Variants in COMMD10 observed in about 807,000 individuals in gnomAD.
The protein encoded by COMMD10 is COMM domain containing 10.
Under a neutral mutation model 28.9 loss-of-function variants are expected in COMMD10, and 33 were observed. The ratio of observed to expected loss-of-function variants is 1.14; its 90% confidence interval spans 0.87 to 1.53. The LOEUF (loss-of-function observed/expected upper bound fraction) is 1.53. Ranked by LOEUF, COMMD10 falls within the 40% of genes most tolerant of loss-of-function variation. COMMD10 has a pLI of 0.00. For missense variants in COMMD10, 310 were observed against 233.4 expected (o/e 1.33, Z -2.14); for synonymous variants, 110 against 81.7 (o/e 1.35, Z -1.87).
rs148100811 is a variant in COMMD10, at chr5:116,185,193, CA to C, written c.510+51018del. 8.0e-3 allele frequency among the ~76,000 whole-genome samples: 1,221 copies of C among 151,966 alleles called. 21 individuals are homozygous for C. The highest frequency in any genetic ancestry group is 0.028 in the African/African-American group (1,145 of 41,370). ...TTAACCTATGTGATCCACAATGACCCAAACTACAATGTATGTCTTAAGAAAG... is the reference window on the plus strand; with the variant it reads ...TTAACCTATGTGATCCACAATGACCCAACTACAATGTATGTCTTAAGAAAG... On this transcript the variant is annotated intron_variant, in intron 5 of 6. Coordinates refer to ENST00000274458, the MANE Select transcript of COMMD10 (RefSeq NM_016144.4).
chr5:116,163,830 A>C (rs925118161), intron 5 of COMMD10, among the ~76,000 whole-genome samples: 2 of 152,252 alleles, frequency 1.3e-5, no homozygotes, highest in African/African-American at 4.8e-5. Context: ...TAATTTTTTA[A>C]ATTGAATGAT....
intron 4 of COMMD10, among the ~76,000 whole-genome samples, chr5:116,099,071 A>G (rs1041083165): frequency 3.3e-5 from 5 of 152,196 alleles, no homozygotes; most frequent in Admixed American, 2.0e-4. Context: ...TTAGATTCCC[A>G]GAACTTAATT....
chr5:116,238,601 A>G (rs994301594), intron 5 of COMMD10, among the ~76,000 whole-genome samples: 3 of 152,164 alleles, frequency 2.0e-5, no homozygotes, highest in South Asian at 2.1e-4. Flanking sequence ...ACATTTTACA[A>G]TTGGTTTTGA....
chr5:116,222,541 A>G (rs981404659), intron 5 of COMMD10, among the ~76,000 whole-genome samples: 2 of 152,172 alleles, frequency 1.3e-5, no homozygotes, highest in Non-Finnish European at 2.9e-5. Flanking sequence ...AGTTGACACT[A>G]TGTTTTATGA....
Position 116,258,085 on chromosome 5 carries a change from G to A in COMMD10, c.511-33432G>A, listed in dbSNP as rs1750341090. ...CAGATCTACAAATATGAGTATATTT[G>A]AAGAAAAGCAAATTCATATTGAATT... On this transcript the variant is annotated intron_variant, in intron 5 of 6. Transcript: ENST00000274458. Among the ~76,000 whole-genome samples, 5 of 151,716 alleles carry A rather than the reference G, an allele frequency of 3.3e-5. No individual in the cohort carries two copies. The South Asian group carries it at 1.0e-3, about 31-fold the overall frequency.
intron 5 of COMMD10, among the ~76,000 whole-genome samples, chr5:116,170,233 T>A (rs906925370): frequency 6.6e-5 from 10 of 152,156 alleles, no homozygotes; most frequent in Admixed American, 2.6e-4. Flanking sequence ...AAACTCCCAT[T>A]CACAATTGCT....
chr5:116,182,004 CAA>C (rs990959084), intron 5 of COMMD10, among the ~76,000 whole-genome samples: 1 of 151,968 alleles, frequency 6.6e-6, no homozygotes, highest in Non-Finnish European at 1.5e-5. Context: ...GGTAAACAGA[CAA>C]ATTATGTAGT....
intron 5 of COMMD10, among the ~76,000 whole-genome samples, chr5:116,153,507 T>C (rs1252256306): frequency 1.3e-5 from 2 of 152,128 alleles, no homozygotes; most frequent in Non-Finnish European, 2.9e-5. Context: ...GATAACACCA[T>C]ATTGAAATGA....
chr5:116,204,856 G>A (rs1296433249), intron 5 of COMMD10, among the ~76,000 whole-genome samples: 1 of 152,094 alleles, frequency 6.6e-6, no homozygotes, highest in African/African-American at 2.4e-5. Context: ...TTTCTGATGA[G>A]CTCCCAGGTT....
intron 4 of COMMD10, among the ~76,000 whole-genome samples, chr5:116,125,213 A>G (rs887885890): frequency 3.3e-5 from 5 of 152,106 alleles, no homozygotes; most frequent in African/African-American, 4.8e-5. Flanking sequence ...TTCCATGTTT[A>G]GTGCTTCCTT....
At chr5:116,201,398 C>T (rs898313024) in intron 5 of COMMD10, among the ~76,000 whole-genome samples, 17 of 152,070 alleles carry the variant, frequency 1.1e-4, no homozygotes, top group African/African-American at 2.2e-4. Context: ...CTGCATTTTT[C>T]AGTTTTTACA....
At chr5:116,282,485 T>C (rs983444355) in intron 5 of COMMD10, among the ~76,000 whole-genome samples, 2 of 151,942 alleles carry the variant, frequency 1.3e-5, no homozygotes, top group Non-Finnish European at 2.9e-5. Flanking sequence ...TCTATAATGC[T>C]TTTACATTGC....
chr5:116,103,831 T>G (rs1377047776), intron 4 of COMMD10, among the ~76,000 whole-genome samples: 1 of 152,210 alleles, frequency 6.6e-6, no homozygotes, highest in African/African-American at 2.4e-5. Context: ...TTGTATAAGG[T>G]GTAAGGAAGG....
chr5:116,224,691 T>G (rs1169059528), intron 5 of COMMD10, among the ~76,000 whole-genome samples: 1 of 152,154 alleles, frequency 6.6e-6, no homozygotes, highest in East Asian at 1.9e-4. Context: ...CACCTCCCTC[T>G]AGGCCCACCT....
intron 5 of COMMD10, among the ~76,000 whole-genome samples, chr5:116,245,052 G>GAAAA (rs56658530): frequency 2.7e-5 from 4 of 149,640 alleles, no homozygotes; most frequent in African/African-American, 9.8e-5. Flanking sequence ...CTGGTTTTTT[G>GAAAA]AAAAAAAAAA....
intron 5 of COMMD10, among the ~76,000 whole-genome samples, chr5:116,232,799 C>G (rs1398392937): frequency 3.3e-5 from 5 of 152,164 alleles, no homozygotes. Context: ...AGAGTGCTTA[C>G]ATTTGTTGGG....
intron 5 of COMMD10, among the ~76,000 whole-genome samples, chr5:116,251,308 A>T (rs190291266): frequency 0.053 from 7,685 of 144,542 alleles, 262 homozygotes; most frequent in East Asian, 0.13. Flanking sequence ...ATTTATTATT[A>T]TACTTTAAGT....
At chr5:116,141,307 A>G (rs1240418918) in intron 5 of COMMD10, among the ~76,000 whole-genome samples, 1 of 151,870 alleles carries the variant, frequency 6.6e-6, no homozygotes, top group African/African-American at 2.4e-5. Context: ...TGCCAGTACC[A>G]TACTATTTTG....
chr5:116,272,281 C>T lies in COMMD10; in HGVS notation c.511-19236C>T, dbSNP rs1052734989. Among the ~76,000 whole-genome samples, 22 of 151,740 alleles carry T rather than the reference C, an allele frequency of 1.4e-4. 1 individual carries two copies. The highest frequency in any genetic ancestry group is 5.3e-4 in the African/African-American group (22 of 41,128). ...TTTTTAAGATCAGGAAATAAAAAGT[C>T]AGAGGAGGCAAATCAGGTTTGTAAG... On this transcript the variant is annotated intron_variant, in intron 5 of 6. Coordinates refer to ENST00000274458, the MANE Select transcript of COMMD10 (RefSeq NM_016144.4).
Sources: gnomAD v4.1 joint callset for allele counts (sites outside exome capture counted in the v4.1 genomes callset) on GRCh38, gnomAD v4.1.1 for gene constraint, MANE v1.5 for transcripts, NCBI Gene and HGNC (gene_info 2026-07-23, HGNC 2026-07-21) for gene names.